Variants in GNAO1 observed in about 807,000 individuals in gnomAD.
GNAO1 encodes guanine nucleotide-binding protein G(o) subunit alpha.
For synonymous variants in GNAO1, 164 were observed against 180.7 expected (o/e 0.91, Z 0.74); for missense variants, 166 against 478.7 (o/e 0.35, Z 6.10).
At chr16:56,284,747 C>T (rs1231939737) in intron 3 of GNAO1, among the ~76,000 whole-genome samples, 2 of 152,220 alleles carry the variant, frequency 1.3e-5, no homozygotes, top group Non-Finnish European at 2.9e-5. Context: ...TCAGTGAATC[C>T]TGTGCCTGAG....
rs553014344 is a variant in GNAO1 at position 56,288,587 on chromosome 16, A to G, written c.303+12515A>G. ...AAAAGTCAGGGAGGTGGGAAAATGC[A>G]GCCTTCACAGCCCTGTGTCTTAAGT... is the stretch of plus-strand genomic sequence containing the variant. On this transcript the variant is annotated intron_variant, in intron 3 of 8. Coordinates refer to ENST00000262493, the MANE Select transcript of GNAO1 (RefSeq NM_020988.3). 3.3e-4 allele frequency among the ~76,000 whole-genome samples: 50 copies of G among 152,316 alleles called. No homozygotes were observed. In the East Asian group the frequency reaches 9.6e-3, roughly 29 times the overall value.
intron 5 of GNAO1, chr16:56,336,240 C>T (rs2037738755): frequency 6.4e-6 from 1 of 157,230 alleles, no homozygotes; most frequent in African/African-American, 2.4e-5. Context: ...CCAGCTCCAC[C>T]ACAGCTGGAC....
At chr16:56,218,891 T>C (rs1221627554) in intron 2 of GNAO1, among the ~76,000 whole-genome samples, 1 of 152,194 alleles carries the variant, frequency 6.6e-6, no homozygotes, top group African/African-American at 2.4e-5. Context: ...GTGTTTCAAT[T>C]GCACATTGAA....
Position 56,288,347 on chromosome 16 carries a change from A to G in GNAO1, c.303+12275A>G, listed in dbSNP as rs569604961. ...TCCTAGCCTGTGCTGAGGACGGGGT[A>G]TCTGACAAAGAGCTGAAGGGATTGG... On this transcript the variant is annotated intron_variant, in intron 3 of 8. Coordinates refer to ENST00000262493, the MANE Select transcript of GNAO1 (RefSeq NM_020988.3). 4.6e-5 allele frequency among the ~76,000 whole-genome samples: 7 copies of G among 152,330 alleles called. No individual in the cohort carries two copies. The East Asian group carries it at 5.8e-4, about 13-fold the overall frequency.
intron 2 of GNAO1, among the ~76,000 whole-genome samples, chr16:56,203,779 T>G (rs533958248): frequency 1.3e-5 from 2 of 152,298 alleles, no homozygotes; most frequent in African/African-American, 4.8e-5. Flanking sequence ...ACAACTAGTA[T>G]GAGCTAAAGT....
chr16:56,262,504 A>G (rs112438987), intron 2 of GNAO1, among the ~76,000 whole-genome samples: 13 of 152,278 alleles, frequency 8.5e-5, no homozygotes, highest in African/African-American at 3.1e-4. Context: ...GAGCAGGAAC[A>G]TAAATAATGA....
intron 6 of GNAO1, chr16:56,341,067 T>C: frequency 8.7e-7 from 1 of 1,151,358 alleles, no homozygotes; most frequent in Non-Finnish European, 1.3e-6. Flanking sequence ...TCCTGTGCTC[T>C]GTGGATGCCC....
At chr16:56,312,722 T>C (rs1258122788) in intron 3 of GNAO1, among the ~76,000 whole-genome samples, 1 of 152,246 alleles carries the variant, frequency 6.6e-6, no homozygotes, top group Non-Finnish European at 1.5e-5. Context: ...GTGGAGGCCT[T>C]GCCATCCAGC....
At chr16:56,203,992 T>C in intron 2 of GNAO1, among the ~76,000 whole-genome samples, 1 of 152,116 alleles carries the variant, frequency 6.6e-6, no homozygotes, top group Admixed American at 6.5e-5. Context: ...AGGCCAGAGA[T>C]GAGGCTTTAG....
At chr16:56,199,251 C>G (rs2036260681) in intron 2 of GNAO1, among the ~76,000 whole-genome samples, 1 of 152,226 alleles carries the variant, frequency 6.6e-6, no homozygotes, top group Non-Finnish European at 1.5e-5. Context: ...AGAGCTTTGT[C>G]AGCCAGGAAA....
intron 2 of GNAO1, among the ~76,000 whole-genome samples, chr16:56,195,400 G>C (rs1358082683): frequency 6.6e-6 from 1 of 152,210 alleles, no homozygotes; most frequent in East Asian, 1.9e-4. Flanking sequence ...CAAAATGTGG[G>C]ATTGGTGTCA....
intron 2 of GNAO1, among the ~76,000 whole-genome samples, chr16:56,222,575 T>C (rs549490633): frequency 1.3e-5 from 2 of 152,260 alleles, no homozygotes; most frequent in African/African-American, 4.8e-5. Context: ...AGCTTGTCCT[T>C]CTATGAGATT....
chr16:56,351,317 T>C lies in GNAO1; in HGVS notation c.724-67T>C. 2 of 1,181,870 alleles carry C rather than the reference T, an allele frequency of 1.7e-6. No individual in the cohort carries two copies. The highest frequency in any genetic ancestry group is 3.8e-5 in the Admixed American group (2 of 53,326). 73.2% of individuals were successfully genotyped at this position (1,181,870 alleles called of 1,614,324 possible). A position where few individuals can be genotyped will look rare whatever the true frequency, so the allele number is the denominator to read the frequency against. On this transcript the variant is annotated intron_variant, in intron 6 of 8. Transcript: ENST00000262493. This position sits in a 1 kb window ranked among gnomAD's most constrained non-coding sequence, Gnocchi z 6.1. Reference sequence around the variant, plus strand: ...TCTCTGTCAAGCCTAATTCTCTCCTTCTCTTTCCCTGTCTCTGTGTCTCCC... The same window carrying C: ...TCTCTGTCAAGCCTAATTCTCTCCTCCTCTTTCCCTGTCTCTGTGTCTCCC...
chr16:56,274,319 T>C (rs1267191228), intron 2 of GNAO1, among the ~76,000 whole-genome samples: 2 of 152,232 alleles, frequency 1.3e-5, no homozygotes, highest in Admixed American at 1.3e-4. Flanking sequence ...AAAGATCCCT[T>C]TGAGATCTCT....
Position 56,311,011 on chromosome 16 carries a change from G to C in GNAO1, c.304-17620G>C, listed in dbSNP as rs181172240. On this transcript the variant is annotated intron_variant, in intron 3 of 8. Coordinates refer to ENST00000262493, the MANE Select transcript of GNAO1 (RefSeq NM_020988.3). This position sits in a 1 kb window ranked among gnomAD's most constrained non-coding sequence, Gnocchi z 5.2. The stretch of plus-strand genomic sequence containing the variant: ...TTCATTGATTTCAACTTAGTTACAT[G>C]GCAGGTTGTGGCCTACAGAAAAGTT... Among the ~76,000 whole-genome samples the C allele has an allele frequency of 1.3e-5, 2 of 152,234 alleles. No homozygotes were observed. The highest frequency in any genetic ancestry group is 3.9e-4 in the East Asian group (2 of 5,188).
At chr16:56,252,701 C>T (rs1428376788) in intron 2 of GNAO1, among the ~76,000 whole-genome samples, 1 of 152,218 alleles carries the variant, frequency 6.6e-6, no homozygotes, top group Non-Finnish European at 1.5e-5. Flanking sequence ...AACTTCTCAT[C>T]ACAGCTCATC....
intron 2 of GNAO1, among the ~76,000 whole-genome samples, chr16:56,248,023 G>T (rs1051012614): frequency 6.6e-6 from 1 of 152,186 alleles, no homozygotes; most frequent in African/African-American, 2.4e-5. Context: ...TCTCTTTGGG[G>T]ACAGGGGATT....
At chr16:56,278,302 CAG>C (rs1296250195) in intron 3 of GNAO1, among the ~76,000 whole-genome samples, 1 of 152,254 alleles carries the variant, frequency 6.6e-6, no homozygotes, top group Non-Finnish European at 1.5e-5. Context: ...TAGGGCAACA[CAG>C]CCTTGTCTGG....
intron 2 of GNAO1, among the ~76,000 whole-genome samples, chr16:56,272,451 T>C (rs142194899): frequency 9.2e-5 from 14 of 152,366 alleles, no homozygotes; most frequent in African/African-American, 3.4e-4. Context: ...TAAGCCAGTT[T>C]GAACAACTTA....
Sources: allele counts gnomAD v4.1 joint callset (sites outside exome capture counted in the v4.1 genomes callset), GRCh38; gene constraint gnomAD v4.1.1; non-coding constraint Gnocchi (gnomAD v3.1); transcripts MANE v1.5; gene names NCBI Gene and HGNC (gene_info 2026-07-23, HGNC 2026-07-21).